Variants in ZDHHC11 observed in about 807,000 individuals in gnomAD.
ZDHHC11 encodes the protein palmitoyltransferase ZDHHC11.
In ZDHHC11, 44 loss-of-function variants were observed where a neutral mutation model predicts 51.3. That is an observed-to-expected ratio of 0.86 (90% confidence interval 0.67 to 1.10). ZDHHC11 has a LOEUF of 1.10. Ranked by LOEUF, ZDHHC11 falls within the 50% of genes least tolerant of loss-of-function variation. ZDHHC11 has a pLI of 0.00. For missense variants in ZDHHC11, 400 were observed against 537.7 expected, an observed-to-expected ratio of 0.74 and a Z score of 2.53; for synonymous variants, 163 against 222.0, an observed-to-expected ratio of 0.73 and a Z score of 2.36.
intron 10 of ZDHHC11, among the ~76,000 whole-genome samples, chr5:815,667 TCAG>T (rs1449983563): frequency 6.6e-6 from 1 of 151,600 alleles, no homozygotes; most frequent in Non-Finnish European, 1.5e-5. Flanking sequence ...CTACTCAGCA[TCAG>T]AAGCTTTGCC....
At chr5:836,457 T>C (rs1261124917) in intron 6 of ZDHHC11, among the ~76,000 whole-genome samples, 1 of 150,478 alleles carries the variant, frequency 6.6e-6, no homozygotes, top group African/African-American at 2.4e-5. Flanking sequence ...CTGAATGTAC[T>C]GGCTTATGAA....
intron 4 of ZDHHC11, chr5:842,008 G>C (rs1745069863): frequency 1.0e-6 from 1 of 988,088 alleles, no homozygotes; most frequent in South Asian, 4.7e-5. Context: ...CCCTTAGCCA[G>C]TGACATCACG....
upstream of ZDHHC11, among the ~76,000 whole-genome samples, chr5:852,595 C>G (rs1747394062): frequency 6.7e-6 from 1 of 149,774 alleles, no homozygotes; most frequent in African/African-American, 2.5e-5. Context: ...GGGACAGACG[C>G]CACGGAGGAC....
intron 12 of ZDHHC11, among the ~76,000 whole-genome samples, chr5:799,536 G>A (rs1264658933): frequency 3.3e-5 from 5 of 151,530 alleles, no homozygotes; most frequent in South Asian, 2.1e-4. Context: ...TCCATTTGAT[G>A]CTCACATGGA....
rs183469209 is a variant in ZDHHC11 at position 823,337 on chromosome 5, G to A, written c.1024-1442C>T. The A allele has an allele frequency of 5.3e-5, 8 of 150,800 alleles. No individual in the cohort carries two copies. The East Asian group carries it at 1.6e-3, about 29-fold the overall frequency. 9.3% of individuals were successfully genotyped at this position (150,800 alleles called of 1,614,324 possible). On this transcript the variant is annotated intron_variant, in intron 8 of 12. Coordinates refer to ENST00000283441, the MANE Select transcript of ZDHHC11 (RefSeq NM_024786.3). Reference sequence around the variant, plus strand: ...TGTGTGTTTGGCATGTGGTTATGCAGCTGCTGCACCACACTCATTACAAAC... The same window carrying A: ...TGTGTGTTTGGCATGTGGTTATGCAACTGCTGCACCACACTCATTACAAAC...
chr5:843,085 C>T (rs1249418059), intron 4 of ZDHHC11, among the ~76,000 whole-genome samples: 687 of 152,224 alleles, frequency 4.5e-3, no homozygotes, highest in African/African-American at 0.016. Context: ...CAGTCCTCAC[C>T]GCCACGTCTC....
At position 840,431 on chromosome 5, in the gene ZDHHC11, G is replaced by C. The variant is rs565784164; in HGVS notation, c.784+64C>G. ...GTTAGGGACATACTCAAGTAGAGGT[G>C]TAAGATGAGCAGCTCTGACCACCCA... On this transcript the variant is annotated intron_variant, in intron 5 of 12. Coordinates refer to ENST00000283441, the MANE Select transcript of ZDHHC11 (RefSeq NM_024786.3). 8 of 1,610,506 alleles carry C rather than the reference G, an allele frequency of 5.0e-6. No homozygotes were observed. The African/African-American group carries it at 1.1e-4, about 21-fold the overall frequency.
At chr5:819,436 A>G in intron 10 of ZDHHC11, 89 bp downstream of exon 10, 1 of 1,407,298 alleles carries the variant, frequency 7.1e-7, no homozygotes, top group Non-Finnish European at 1.0e-6. Flanking sequence ...CCTTTTGAAT[A>G]CTACCTTAAC....
At chr5:829,644 C>T (rs1307029050) in intron 7 of ZDHHC11, among the ~76,000 whole-genome samples, 2 of 151,412 alleles carry the variant, frequency 1.3e-5, no homozygotes, top group Admixed American at 1.3e-4. Context: ...TTCCATGAAG[C>T]CAGTATCACC....
At chr5:834,653 T>C (rs1172593948) in intron 6 of ZDHHC11, among the ~76,000 whole-genome samples, 11 of 152,308 alleles carry the variant, frequency 7.2e-5, no homozygotes, top group Non-Finnish European at 1.2e-4. Context: ...TTATTGTGCA[T>C]TGCTTTACTG....
chr5:851,821 C>T (rs552854812), upstream of ZDHHC11, among the ~76,000 whole-genome samples: 6 of 152,294 alleles, frequency 3.9e-5, no homozygotes, highest in East Asian at 7.7e-4. Context: ...TGTGGGAAGC[C>T]GAGGCGTGCC....
At chr5:850,127 G>C (rs543291278) in intron 1 of ZDHHC11, among the ~76,000 whole-genome samples, 15 of 152,224 alleles carry the variant, frequency 9.9e-5, no homozygotes, top group Non-Finnish European at 2.2e-4. Context: ...CCACGCCAGG[G>C]GGCTGCTGTC....
intron 8 of ZDHHC11, chr5:824,179 C>T (rs1053482992): frequency 2.3e-6 from 1 of 430,654 alleles, no homozygotes; most frequent in African/African-American, 2.0e-5. Context: ...CAGCCTGCGG[C>T]CTGGCGTGGT....
intron 10 of ZDHHC11, among the ~76,000 whole-genome samples, chr5:818,520 C>A (rs1741129138): frequency 6.6e-6 from 1 of 151,618 alleles, no homozygotes; most frequent in Admixed American, 6.6e-5. Context: ...GGAGAAGACA[C>A]CTGTAACCTC....
intron 8 of ZDHHC11, among the ~76,000 whole-genome samples, chr5:823,200 C>G (rs1250785416): frequency 6.6e-6 from 1 of 151,234 alleles, no homozygotes; most frequent in East Asian, 1.9e-4. Flanking sequence ...TTGCCTAACA[C>G]AAGACCCCGG....
chr5:809,067 A>G (rs1282175982), intron 11 of ZDHHC11, among the ~76,000 whole-genome samples: 1 of 148,012 alleles, frequency 6.8e-6, no homozygotes, highest in African/African-American at 2.5e-5. Context: ...CCAATATTTT[A>G]TTAAAATTTC....
chr5:801,072 A>G lies in ZDHHC11; in HGVS notation c.*7+28T>C, dbSNP rs748775287. 3.7e-6 allele frequency: 6 copies of G among 1,609,166 alleles called. No individual in the cohort carries two copies. In the South Asian group the frequency reaches 6.6e-5, roughly 18 times the overall value. On this transcript the variant is annotated intron_variant, in intron 12 of 12. Coordinates refer to ENST00000283441, the MANE Select transcript of ZDHHC11 (RefSeq NM_024786.3). The stretch of plus-strand genomic sequence containing the variant: ...GAGAACCAAACTTGGGTAGATTTCA[A>G]CATGACCCGCACTGCCACGTATCTT...
intron 12 of ZDHHC11, among the ~76,000 whole-genome samples, chr5:800,301 G>C (rs1738231735): frequency 6.6e-6 from 1 of 150,576 alleles, no homozygotes; most frequent in East Asian, 1.9e-4. Context: ...TTCCTGTCCA[G>C]CTAGCTTTTG....
At chr5:815,096 C>T (rs989447869) in intron 10 of ZDHHC11, among the ~76,000 whole-genome samples, 1 of 151,330 alleles carries the variant, frequency 6.6e-6, no homozygotes, top group Admixed American at 6.6e-5. Context: ...GATGAGGCTA[C>T]TAGAGTGAGC....
Sources: gnomAD v4.1 joint callset for allele counts (sites outside exome capture counted in the v4.1 genomes callset) on GRCh38, gnomAD v4.1.1 for gene constraint, MANE v1.5 for transcripts, NCBI Gene and HGNC (gene_info 2026-07-23, HGNC 2026-07-21) for gene names.